CEP72: variants seen among roughly 807,000 people sequenced by gnomAD.
CEP72 encodes the protein centrosomal protein of 72 kDa.
A neutral mutation model predicts 65.7 loss-of-function variants in CEP72; 78 were observed. That is an observed-to-expected ratio of 1.19 (90% confidence interval 0.99 to 1.43). The LOEUF (loss-of-function observed/expected upper bound fraction) is 1.43. CEP72 is among the 40% of genes most tolerant of loss of function. The pLI is 0.00. For missense variants in CEP72, 914 were observed against 832.9 expected, an observed-to-expected ratio of 1.10 and a Z score of -1.20; for synonymous variants, 358 against 351.7, an observed-to-expected ratio of 1.02 and a Z score of -0.20.
chr5:647,426 C>T (rs1738495814), intron 10 of CEP72, among the ~76,000 whole-genome samples: 1 of 152,240 alleles, frequency 6.6e-6, no homozygotes, highest in Non-Finnish European at 1.5e-5. Flanking sequence ...TGGTGCTTTT[C>T]CCGAAACCCA....
At chr5:622,234 G>A (rs1284207716) in intron 3 of CEP72, among the ~76,000 whole-genome samples, 1 of 152,214 alleles carries the variant, frequency 6.6e-6, no homozygotes, top group Non-Finnish European at 1.5e-5. Flanking sequence ...TTGGAAGAAT[G>A]CCCCAGTCTG....
chr5:671,721 C>T (rs1470001381), downstream of CEP72, among the ~76,000 whole-genome samples: 3 of 152,242 alleles, frequency 2.0e-5, no homozygotes, highest in Non-Finnish European at 2.9e-5. Context: ...AGGGGCTCCA[C>T]TCTGCGGAAG....
In CEP72 at chr5:624,503, G is replaced by A. The variant is rs769023906; in HGVS notation, c.436G>A (p.Ala146Thr). ...CCCCGTGAGAGCAAGCGAGCGGAAGGCTTCCCGACTGCATTTTGCATCAGA... is the reference window on the plus strand; with the variant it reads ...CCCCGTGAGAGCAAGCGAGCGGAAGACTTCCCGACTGCATTTTGCATCAGA... ...DRPVRASERK[A>T]SRLHFASEDS... Residue 146 changes from alanine to threonine, a missense_variant, in exon 4 of 12, where the codon GCT (alanine) becomes ACT (threonine). Transcript: ENST00000264935. This position sits in a 1 kb window ranked among gnomAD's most constrained non-coding sequence, Gnocchi z 4.7. The A allele has an allele frequency of 3.1e-6, 5 of 1,614,222 alleles. No homozygotes were observed. Among genetic ancestry groups the A allele is most frequent in the Non-Finnish European group, 4.2e-6 (5 of 1,180,024 alleles).
intron 6 of CEP72, 95 bp from the exon 7 acceptor site, chr5:637,422 A>G: frequency 9.2e-7 from 1 of 1,083,592 alleles, no homozygotes; most frequent in East Asian, 2.4e-5. Flanking sequence ...GTGTGTATAT[A>G]CATGGGCACA....
intron 3 of CEP72, chr5:665,799 C>A: frequency 1.3e-6 from 1 of 765,226 alleles, no homozygotes; most frequent in South Asian, 1.8e-5. Flanking sequence ...GACCACACCT[C>A]CTCAGACCCC....
At chr5:615,058 CTGTT>C (rs1386944640) in intron 1 of CEP72, among the ~76,000 whole-genome samples, 1 of 148,378 alleles carries the variant, frequency 6.7e-6, no homozygotes, top group Non-Finnish European at 1.5e-5. Flanking sequence ...TTTTGAAGCT[CTGTT>C]TGTTGAATTA....
intron 1 of CEP72, among the ~76,000 whole-genome samples, chr5:617,838 A>G (rs1377814727): frequency 6.6e-6 from 1 of 152,244 alleles, no homozygotes; most frequent in Non-Finnish European, 1.5e-5. Context: ...GTACTCCAGC[A>G]TGGGCAACAG....
intron 9 of CEP72, chr5:642,737 C>T (rs1435166302): frequency 2.0e-6 from 2 of 985,254 alleles, no homozygotes; most frequent in African/African-American, 3.5e-5. Flanking sequence ...AGCCCGAGCC[C>T]CGCGGGTAAG....
chr5:649,649 T>TG (rs1377655809), intron 11 of CEP72, among the ~76,000 whole-genome samples: 11 of 84,020 alleles, frequency 1.3e-4, no homozygotes, highest in South Asian at 4.7e-4. Flanking sequence ...CTGTGAGGTG[T>TG]GACTGTGAGG....
At chr5:640,636 A>G (rs200988388) in intron 9 of CEP72, 32 bp downstream of exon 9, 5 of 1,581,744 alleles carry the variant, frequency 3.2e-6, no homozygotes, top group East Asian at 4.5e-5. Flanking sequence ...GTCTGTGTCC[A>G]TGTGACTGGG....
chr5:657,207 C>T (rs1350902236), downstream of CEP72: 1 of 152,132 alleles, frequency 6.6e-6, no homozygotes, highest in African/African-American at 2.4e-5. Context: ...CCCTGATTTC[C>T]TCGTCTGTAC....
At chr5:622,510 A>G (rs1470630951) in intron 3 of CEP72, among the ~76,000 whole-genome samples, 1 of 152,254 alleles carries the variant, frequency 6.6e-6, no homozygotes, top group Non-Finnish European at 1.5e-5. Context: ...AGCTCCCAGC[A>G]TCACTGACAG....
chr5:643,492 G>T (rs1738197919), intron 9 of CEP72: 1 of 985,346 alleles, frequency 1.0e-6, no homozygotes, highest in Non-Finnish European at 1.2e-6. Context: ...TGCATGCTGA[G>T]GGGGCTGTCG....
At position 638,231 on chromosome 5, in the gene CEP72, G is replaced by A. The variant is rs539845445; in HGVS notation, c.1206+413G>A. ...GGCATTTGTCTCCAAAGCTGGAATC[G>A]GGCATCTTGGCCGGCTGAGCCATTG... On this transcript the variant is annotated intron_variant, in intron 7 of 11. Transcript: ENST00000264935. Among the ~76,000 whole-genome samples, 4 of 152,310 alleles carry A rather than the reference G, an allele frequency of 2.6e-5. No individual in the cohort carries two copies. The East Asian group carries it at 5.8e-4, about 22-fold the overall frequency.
chr5:637,932 G>GC, intron 7 of CEP72, 114 bp downstream of exon 7: 7 of 1,034,918 alleles, frequency 6.8e-6, no homozygotes, highest in Non-Finnish European at 9.5e-6. Context: ...GTCCCTCCCT[G>GC]ATGCAGGGCT....
intron 1 of CEP72, chr5:662,287 G>C (rs547682173): frequency 6.5e-6 from 1 of 152,680 alleles, no homozygotes; most frequent in Non-Finnish European, 1.5e-5. Flanking sequence ...GGTGGTGCCC[G>C]GGCCGGGCGG....
At chr5:671,224 G>C (rs563957913), downstream of CEP72, among the ~76,000 whole-genome samples, 445 of 151,710 alleles carry the variant, frequency 2.9e-3, 3 homozygotes, top group African/African-American at 0.01. Context: ...TTGCGTTGCT[G>C]CCGGCCTTTT....
downstream of CEP72, among the ~76,000 whole-genome samples, chr5:657,712 G>C (rs538760104): frequency 9.8e-5 from 15 of 152,308 alleles, no homozygotes; most frequent in East Asian, 2.9e-3. Context: ...CTGTGTGTGG[G>C]ACTGAGGTGA....
At chr5:668,062 C>G (rs373455690), downstream of CEP72, among the ~76,000 whole-genome samples, 4 of 29,262 alleles carry the variant, frequency 1.4e-4, no homozygotes, top group Admixed American at 3.4e-4. Flanking sequence ...AGGGAAGTAC[C>G]GACAAGCACA....
Sources: allele counts gnomAD v4.1 joint callset (sites outside exome capture counted in the v4.1 genomes callset), GRCh38; gene constraint gnomAD v4.1.1; non-coding constraint Gnocchi (gnomAD v3.1); transcripts MANE v1.5; gene names NCBI Gene and HGNC (gene_info 2026-07-23, HGNC 2026-07-21).